Variants in PTPRC observed in about 807,000 individuals in gnomAD.
The protein encoded by PTPRC is protein tyrosine phosphatase receptor type C, also known as receptor-type tyrosine-protein phosphatase C.
Under a neutral mutation model 155.9 loss-of-function variants are expected in PTPRC, and 44 were observed. That is an observed-to-expected ratio of 0.28 (90% CI 0.22 to 0.36). The LOEUF (loss-of-function observed/expected upper bound fraction) is 0.36, where lower values mean the gene tolerates loss of function less well. Among genes scored for constraint, PTPRC ranks in the 10% least tolerant of loss-of-function variants. The probability of loss-of-function intolerance (pLI) is 1.00; values close to 1 mark genes in which losing one functional copy is unlikely to be tolerated. For synonymous variants in PTPRC, 525 were observed against 533.1 expected (o/e 0.98, Z 0.21); for missense variants, 1,401 against 1,564.6 (o/e 0.90, Z 1.76).
chr1:198,702,345 G>C, intron 5 of PTPRC, 42 bp from the exon 6 acceptor site: 2 of 1,614,022 alleles, frequency 1.2e-6, no homozygotes, highest in Non-Finnish European at 1.7e-6. Flanking sequence ...GCCCTTGCGT[G>C]ACAGACACAA....
At position 198,754,250 on chromosome 1, in the gene PTPRC, T is replaced by C. The variant is rs1655519759; in HGVS notation, c.3510-19T>C. 2 of 1,598,736 alleles carry C rather than the reference T, an allele frequency of 1.3e-6. No individual in the cohort carries two copies. Among genetic ancestry groups the C allele is most frequent in the Non-Finnish European group, 8.6e-7 (1 of 1,167,180 alleles). On this transcript the variant is annotated intron_variant, in intron 31 of 32. Coordinates refer to ENST00000442510, the MANE Select transcript of PTPRC (RefSeq NM_002838.5). ...TGGTGAGAAGTAGGATTATTTTCTA[T>C]CTTTTCTTTCTTTTATAGGGATGGA...
In PTPRC at chr1:198,757,190, A is replaced by ACTT. The variant is rs1289029850; in HGVS notation, c.*1010_*1012dup. ...ATTCATAACTTTCATTAAAGCATTT[A>ACTT]CTTTGAATTTCTCCAATGCTTAGAA... On this transcript the variant is annotated 3_prime_UTR_variant, in exon 33 of 33. Coordinates refer to ENST00000442510, the MANE Select transcript of PTPRC (RefSeq NM_002838.5). 3 of 151,900 alleles carry ACTT rather than the reference A, an allele frequency of 2.0e-5. No homozygotes were observed. Among genetic ancestry groups the ACTT allele is most frequent in the Non-Finnish European group, 2.9e-5 (2 of 67,812 alleles). 9.4% of individuals were successfully genotyped at this position (151,900 alleles called of 1,614,324 possible).
chr1:198,673,941 G>A (rs896723656), intron 2 of PTPRC, among the ~76,000 whole-genome samples: 4 of 152,086 alleles, frequency 2.6e-5, no homozygotes, highest in Admixed American at 2.0e-4. Flanking sequence ...TTTGCCATAT[G>A]GATGAATTAT....
chr1:198,725,725 G>A (rs1654102937), intron 15 of PTPRC, among the ~76,000 whole-genome samples: 2 of 152,022 alleles, frequency 1.3e-5, no homozygotes, highest in African/African-American at 4.8e-5. Context: ...TATTGTTGTT[G>A]TTGTTGTTAT....
chr1:198,706,703 A>C, intron 8 of PTPRC, 31 bp from the exon 9 acceptor site: 1 of 1,591,404 alleles, frequency 6.3e-7, no homozygotes, highest in South Asian at 1.1e-5. Context: ...TATTCTGGAA[A>C]AATAACACTC....
chr1:198,702,261 T>C (rs1007568567), intron 5 of PTPRC, 126 bp from the exon 6 acceptor site: 2 of 1,206,082 alleles, frequency 1.7e-6, no homozygotes, highest in Non-Finnish European at 2.5e-6. Context: ...TGTCGTGGTA[T>C]AGCAGAAGTG....
intron 31 of PTPRC, among the ~76,000 whole-genome samples, chr1:198,753,407 A>G (rs1035406601): frequency 5.9e-5 from 9 of 152,040 alleles, no homozygotes; most frequent in African/African-American, 2.2e-4. Flanking sequence ...TATATAATAT[A>G]AAAGTTTACA....
intron 11 of PTPRC, 95 bp from the exon 12 acceptor site, chr1:198,712,858 A>G: frequency 7.6e-7 from 1 of 1,312,198 alleles, no homozygotes; most frequent in Non-Finnish European, 1.1e-6. Flanking sequence ...TCATTTGTCA[A>G]AATATGGTTA....
intron 11 of PTPRC, among the ~76,000 whole-genome samples, chr1:198,710,492 G>T (rs1475221462): frequency 2.6e-5 from 4 of 152,122 alleles, no homozygotes; most frequent in Non-Finnish European, 5.9e-5. Flanking sequence ...TTCTTTCAGG[G>T]ATTGCATTGA....
intron 26 of PTPRC, among the ~76,000 whole-genome samples, chr1:198,747,243 A>C (rs1242617960): frequency 6.9e-6 from 1 of 145,832 alleles, no homozygotes; most frequent in Non-Finnish European, 1.6e-5. Context: ...GGGAAAGGGT[A>C]GTTCAAGCAA....
At chr1:198,665,183 G>A (rs1386121398) in intron 2 of PTPRC, among the ~76,000 whole-genome samples, 4 of 143,626 alleles carry the variant, frequency 2.8e-5, no homozygotes, top group African/African-American at 7.6e-5. Context: ...TCCGCCTCCC[G>A]GGTTCACGCC....
intron 5 of PTPRC, among the ~76,000 whole-genome samples, chr1:198,701,471 C>T (rs908959441): frequency 6.6e-6 from 1 of 152,106 alleles, no homozygotes; most frequent in Non-Finnish European, 1.5e-5. Flanking sequence ...GAGGGCAGCT[C>T]ATATTTCTTT....
chr1:198,671,459 T>C (rs1276807891), intron 2 of PTPRC, among the ~76,000 whole-genome samples: 1 of 152,208 alleles, frequency 6.6e-6, no homozygotes, highest in Non-Finnish European at 1.5e-5. Flanking sequence ...TGTTACCTAT[T>C]GGTGTTGGTA....
At chr1:198,669,464 T>C (rs74134779) in intron 2 of PTPRC, among the ~76,000 whole-genome samples, 24,568 of 152,158 alleles carry the variant, frequency 0.16, 2,097 homozygotes, top group South Asian at 0.18. Flanking sequence ...ATTTACTTCT[T>C]TTGAAAAAAA....
intron 7 of PTPRC, 42 bp downstream of exon 7, chr1:198,703,414 G>C: frequency 6.2e-7 from 1 of 1,608,506 alleles, no homozygotes; most frequent in Non-Finnish European, 8.5e-7. Context: ...ATCCCCATGT[G>C]CCTGGTGATG....
At chr1:198,680,055 C>T in intron 2 of PTPRC, 3 of 485,816 alleles carry the variant, frequency 6.2e-6, no homozygotes, top group Non-Finnish European at 1.1e-5. Context: ...TGTGCAAGAA[C>T]GCAGCGCGCA....
At chr1:198,693,655 C>T (rs1666046378) in intron 3 of PTPRC, among the ~76,000 whole-genome samples, 2 of 152,122 alleles carry the variant, frequency 1.3e-5, no homozygotes, top group East Asian at 1.9e-4. Context: ...AAATATTGGC[C>T]ACAACAATGT....
chr1:198,669,886 G>C (rs573837384), intron 2 of PTPRC, among the ~76,000 whole-genome samples: 2 of 152,184 alleles, frequency 1.3e-5, no homozygotes, highest in African/African-American at 4.8e-5. Flanking sequence ...TCATCATTAT[G>C]AAAATCACAT....
rs575758443 is a variant in PTPRC at position 198,647,684 on chromosome 1, A to C, written c.73+8343A>C. 1.1e-3 allele frequency among the ~76,000 whole-genome samples: 161 copies of C among 152,032 alleles called. 1 individual carries two copies. Among genetic ancestry groups the C allele is most frequent in the African/African-American group, 3.7e-3 (152 of 41,534 alleles). Reference sequence around the variant, plus strand: ...AAAATATAGAAATGAATAGAAAAATAAGAATTTCAGGTTTCCAGTTCTCAG... The same window carrying C: ...AAAATATAGAAATGAATAGAAAAATCAGAATTTCAGGTTTCCAGTTCTCAG... On this transcript the variant is annotated intron_variant, in intron 2 of 32. Coordinates refer to ENST00000442510, the MANE Select transcript of PTPRC (RefSeq NM_002838.5).
Sources: gnomAD v4.1 joint callset for allele counts (sites outside exome capture counted in the v4.1 genomes callset) on GRCh38, gnomAD v4.1.1 for gene constraint, MANE v1.5 for transcripts, NCBI Gene and HGNC (gene_info 2026-07-23, HGNC 2026-07-21) for gene names.